INPP4B: variants seen among roughly 807,000 people sequenced by gnomAD.
INPP4B encodes the protein inositol polyphosphate-4-phosphatase type II B, also known as inositol polyphosphate 4-phosphatase type II.
INPP4B carries 55 observed loss-of-function variants against 122.5 expected under a neutral mutation model. The observed-to-expected ratio is 0.45, with a 90% CI of 0.36 to 0.56. INPP4B has a LOEUF of 0.56. INPP4B is among the 20% of genes least tolerant of loss of function. INPP4B has a pLI of 0.00. For synonymous variants in INPP4B, 403 were observed against 388.7 expected (o/e 1.04, Z -0.43); for missense variants, 1,000 against 1,097.7 (o/e 0.91, Z 1.26).
intron 15 of INPP4B, among the ~76,000 whole-genome samples, chr4:142,185,167 G>C (rs1376276099): frequency 6.6e-6 from 1 of 152,042 alleles, no homozygotes; most frequent in Non-Finnish European, 1.5e-5. Flanking sequence ...TTAATTTTAA[G>C]TGAAAGCAAG....
intron 12 of INPP4B, among the ~76,000 whole-genome samples, chr4:142,232,307 G>C (rs1854737865): frequency 6.6e-6 from 1 of 152,046 alleles, no homozygotes; most frequent in Non-Finnish European, 1.5e-5. Flanking sequence ...AATCCTTCGT[G>C]AAGGTCTACC....
At chr4:142,122,300 T>A in intron 20 of INPP4B, 55 bp from the exon 21 acceptor site, 1 of 1,231,848 alleles carries the variant, frequency 8.1e-7, no homozygotes, top group Non-Finnish European at 1.2e-6. Context: ...AAAATGTCAC[T>A]AGCTACTATG....
intron 12 of INPP4B, among the ~76,000 whole-genome samples, chr4:142,224,089 C>T (rs1401026021): frequency 6.6e-6 from 1 of 152,008 alleles, no homozygotes; most frequent in Non-Finnish European, 1.5e-5. Context: ...CGTGCTTCAG[C>T]CATGCCAAAA....
rs923953224 is a variant in INPP4B, at chr4:142,323,459, T to C, written c.373-8697A>G. ...TTATGATGACTTTTTTTTTTTTTTT[T>C]TTTTGAGACGGAGTCTCACTCTGTC... On this transcript the variant is annotated intron_variant, in intron 7 of 25. Transcript: ENST00000262992. Among the ~76,000 whole-genome samples, 9 of 150,502 alleles carry C rather than the reference T, an allele frequency of 6.0e-5. No individual in the cohort carries two copies. In the East Asian group the frequency reaches 1.6e-3, roughly 26 times the overall value.
chr4:142,389,187 T>G (rs1282430476), intron 7 of INPP4B, among the ~76,000 whole-genome samples: 1 of 151,110 alleles, frequency 6.6e-6, no homozygotes, highest in South Asian at 2.1e-4. Flanking sequence ...GAGGTGGAGA[T>G]TGCAGTAAGA....
intron 2 of INPP4B, among the ~76,000 whole-genome samples, chr4:142,521,997 T>A (rs1826141864): frequency 6.6e-6 from 1 of 152,132 alleles, no homozygotes; most frequent in Non-Finnish European, 1.5e-5. Flanking sequence ...AATATCTGTA[T>A]CACAACAGTG....
chr4:142,784,938 G>A (rs539460262), intron 1 of INPP4B, among the ~76,000 whole-genome samples: 1 of 152,086 alleles, frequency 6.6e-6, no homozygotes, highest in South Asian at 2.1e-4. Flanking sequence ...AAATACTTGT[G>A]GAGGTAACAG....
chr4:142,724,265 A>G (rs527350566), intron 2 of INPP4B, among the ~76,000 whole-genome samples: 4 of 152,286 alleles, frequency 2.6e-5, no homozygotes, highest in Admixed American at 2.0e-4. Context: ...ATATTAGTAT[A>G]TACATATCTC....
At chr4:142,554,744 GAA>G (rs1198921137) in intron 2 of INPP4B, among the ~76,000 whole-genome samples, 2 of 152,118 alleles carry the variant, frequency 1.3e-5, no homozygotes, top group African/African-American at 4.8e-5. Flanking sequence ...TGTAATGGGA[GAA>G]AAAAGAGTGT....
At chr4:142,771,401 A>T (rs1307299215) in intron 1 of INPP4B, among the ~76,000 whole-genome samples, 2 of 152,170 alleles carry the variant, frequency 1.3e-5, no homozygotes, top group Non-Finnish European at 2.9e-5. Context: ...TGGCAAATGT[A>T]TGGAGAACCA....
intron 5 of INPP4B, among the ~76,000 whole-genome samples, chr4:142,411,676 G>A (rs1020405970): frequency 2.6e-5 from 4 of 152,278 alleles, no homozygotes; most frequent in African/African-American, 9.6e-5. Flanking sequence ...CGGATCACTT[G>A]AGGTCAGAAG....
At chr4:142,684,828 A>G (rs1759116707) in intron 2 of INPP4B, among the ~76,000 whole-genome samples, 1 of 152,024 alleles carries the variant, frequency 6.6e-6, no homozygotes, top group South Asian at 2.1e-4. Context: ...TCACTTTCAC[A>G]TTATTAATTA....
chr4:142,421,027 TAGAG>T (rs1489618475), intron 5 of INPP4B, among the ~76,000 whole-genome samples: 2 of 152,022 alleles, frequency 1.3e-5, no homozygotes, highest in African/African-American at 4.8e-5. Context: ...AGATAGGAAA[TAGAG>T]ATTCAGAAAC....
At chr4:142,477,747 T>C (rs771712869) in intron 2 of INPP4B, among the ~76,000 whole-genome samples, 1 of 152,166 alleles carries the variant, frequency 6.6e-6, no homozygotes, top group Non-Finnish European at 1.5e-5. Flanking sequence ...AATCTCTTAA[T>C]AGACCAATAA....
intron 2 of INPP4B, among the ~76,000 whole-genome samples, chr4:142,527,814 GT>G (rs1036922532): frequency 2.6e-5 from 4 of 151,578 alleles, no homozygotes; most frequent in African/African-American, 7.3e-5. Flanking sequence ...TACATTGACT[GT>G]TTTTTTCATT....
At chr4:142,108,419 G>A (rs1423041738) in intron 22 of INPP4B, among the ~76,000 whole-genome samples, 3 of 41,420 alleles carry the variant, frequency 7.2e-5, no homozygotes, top group Non-Finnish European at 1.1e-4. Flanking sequence ...ATCATCAAAT[G>A]TGAACCTAGA....
chr4:142,125,450 C>T (rs955183573), intron 18 of INPP4B, among the ~76,000 whole-genome samples: 1 of 152,058 alleles, frequency 6.6e-6, no homozygotes, highest in Non-Finnish European at 1.5e-5. Flanking sequence ...TTTGTCTAAT[C>T]TCATCTTTCA....
At chr4:142,069,977 A>C (rs1276202205) in intron 25 of INPP4B, among the ~76,000 whole-genome samples, 1 of 151,598 alleles carries the variant, frequency 6.6e-6, no homozygotes, top group Non-Finnish European at 1.5e-5. Flanking sequence ...CTCCTCCCTA[A>C]CTCATTTATG....
intron 5 of INPP4B, among the ~76,000 whole-genome samples, chr4:142,428,456 C>T (rs1580031947): frequency 6.6e-6 from 1 of 151,168 alleles, no homozygotes; most frequent in Middle Eastern, 3.5e-3. Flanking sequence ...AAAAAAAGAC[C>T]AGTCTATATA....
Sources: allele counts gnomAD v4.1 joint callset (sites outside exome capture counted in the v4.1 genomes callset), GRCh38; gene constraint gnomAD v4.1.1; transcripts MANE v1.5; gene names NCBI Gene and HGNC (gene_info 2026-07-23, HGNC 2026-07-21).